Variants in NAT2 observed in about 807,000 individuals in gnomAD.
The protein encoded by NAT2 is arylamine N-acetyltransferase 2.
For missense variants in NAT2, 428 were observed against 339.1 expected (o/e 1.26, Z -2.06); for synonymous variants, 137 against 125.9 (o/e 1.09, Z -0.59).
upstream of NAT2, chr8:18,386,992 C>T (rs941051431): frequency 6.6e-5 from 10 of 152,338 alleles, no homozygotes; most frequent in African/African-American, 2.2e-4. Context: ...CACAAGGACT[C>T]GGAGGGGCTC....
chr8:18,399,519 CAA>C (rs1800750855), intron 1 of NAT2, among the ~76,000 whole-genome samples: 1 of 152,098 alleles, frequency 6.6e-6, no homozygotes, highest in Non-Finnish European at 1.5e-5. Flanking sequence ...ATGAATTAAT[CAA>C]TATATTTTTT....
chr8:18,389,935 G>A (rs1325503444), upstream of NAT2, among the ~76,000 whole-genome samples: 1 of 152,204 alleles, frequency 6.6e-6, no homozygotes, highest in Non-Finnish European at 1.5e-5. Flanking sequence ...ACCAGTGCGG[G>A]AGTATAACAG....
Position 18,400,145 on chromosome 8 carries a change from A to C in NAT2, c.142A>C (p.Met48Leu). 6.2e-7 allele frequency: 1 copy of C among 1,614,008 alleles called. No homozygotes were observed. Among genetic ancestry groups the C allele is most frequent in the South Asian group, 1.1e-5 (1 of 91,074 alleles). The change falls in exon 2 of 2, where the codon ATG (methionine) becomes CTG (leucine). Residue 48 changes from methionine to leucine, a missense_variant. Met to Leu is a conservative substitution (Grantham distance 15). Transcript: ENST00000286479. ...ENLNMHCGQA[M>L]ELGLEAIFDH... The stretch of plus-strand genomic sequence containing the variant: ...CCTTAACATGCATTGTGGGCAAGCC[A>C]TGGAGTTGGGCTTAGAGGCTATTTT...
At position 18,400,050 on chromosome 8, in the gene NAT2, G is replaced by C. The variant is rs928522570; in HGVS notation, c.47G>C (p.Arg16Thr). The C allele has an allele frequency of 1.2e-6, 2 of 1,610,496 alleles. No homozygotes were observed. Among genetic ancestry groups the C allele is most frequent in the African/African-American group, 2.7e-5 (2 of 74,782 alleles). ...YFERIGYKNS[R>T]NKLDLETLTD... ...GAAAGAATTGGCTATAAGAACTCTA[G>C]GAACAAATTGGACTTGGAAACATTA... Residue 16 changes from arginine to threonine, a missense_variant, in exon 2 of 2, where the codon AGG becomes ACG. Physicochemically the swap from Arg to Thr is moderately conservative, Grantham distance 71. Coordinates refer to ENST00000286479, the MANE Select transcript of NAT2 (RefSeq NM_000015.3).
chr8:18,400,484 C>T lies in NAT2; in HGVS notation c.481C>T (p.Leu161=), dbSNP rs1799929. 0.4 allele frequency: 650,299 copies of T among 1,612,718 alleles called. 136,934 individuals are homozygous for T. Among genetic ancestry groups the T allele is most frequent in the Non-Finnish European group, 0.44 (514,873 of 1,179,562 alleles). ...GACAGAAGAGAGAGGAATCTGGTAC[C>T]TGGACCAAATCAGGAGAGAGCAGTA... is the stretch of plus-strand genomic sequence containing the variant. ...CLTEERGIWY[L]DQIRREQYIT... The change falls in exon 2 of 2, where the codon CTG becomes TTG. Residue 161 remains leucine (L), a synonymous_variant. Coordinates refer to ENST00000286479, the MANE Select transcript of NAT2 (RefSeq NM_000015.3).
At chr8:18,394,240 T>C (rs1800643928) in intron 1 of NAT2, among the ~76,000 whole-genome samples, 1 of 152,132 alleles carries the variant, frequency 6.6e-6, no homozygotes, top group South Asian at 2.1e-4. Context: ...GAACAGGCCA[T>C]TTTCCCATCT....
upstream of NAT2, among the ~76,000 whole-genome samples, chr8:18,389,910 A>G (rs1019581537): frequency 6.6e-6 from 1 of 152,216 alleles, no homozygotes; most frequent in African/African-American, 2.4e-5. Flanking sequence ...GATTTAGGAG[A>G]TGATTTAAGG....
upstream of NAT2, among the ~76,000 whole-genome samples, chr8:18,386,723 C>T (rs1800511147): frequency 6.6e-6 from 1 of 152,172 alleles, no homozygotes; most frequent in Admixed American, 6.5e-5. Flanking sequence ...TCCTCCCACC[C>T]ACCCGTACCA....
chr8:18,392,780 G>C (rs540911069), intron 1 of NAT2, among the ~76,000 whole-genome samples: 24 of 152,324 alleles, frequency 1.6e-4, no homozygotes, highest in Admixed American at 5.2e-4. Flanking sequence ...CCACAGTAAA[G>C]AGTGGAGACT....
chr8:18,399,129 C>T (rs188031454), intron 1 of NAT2, among the ~76,000 whole-genome samples: 13 of 152,276 alleles, frequency 8.5e-5, no homozygotes, highest in Admixed American at 7.8e-4. Context: ...CCCTGGCTTC[C>T]TGGATGTTTC....
At chr8:18,395,774 T>C (rs1585136898) in intron 1 of NAT2, among the ~76,000 whole-genome samples, 1 of 152,256 alleles carries the variant, frequency 6.6e-6, no homozygotes, top group East Asian at 1.9e-4. Flanking sequence ...AAAAACAAAT[T>C]ACAATCACCA....
chr8:18,399,510 T>C (rs1436184652), intron 1 of NAT2, among the ~76,000 whole-genome samples: 4 of 152,194 alleles, frequency 2.6e-5, no homozygotes, highest in African/African-American at 9.7e-5. Context: ...AGTGAATGAA[T>C]GAATTAATCA....
Position 18,400,203 on chromosome 8 carries a change from G to A in NAT2, c.200G>A (p.Trp67Ter). The A allele has an allele frequency of 6.2e-7, 1 of 1,612,832 alleles. No individual in the cohort carries two copies. Among genetic ancestry groups the A allele is most frequent in the Non-Finnish European group, 8.5e-7 (1 of 1,179,144 alleles). The change falls in exon 2 of 2, where the codon TGG becomes TAG. Residue 67 changes from tryptophan to a stop codon, truncating the protein, a stop_gained. Transcript: ENST00000286479. LOFTEE classifies it low-confidence loss of function (END_TRUNC). ...DHIVRRNRGG[W>*]CLQVNQLLYW... ...ATTGTAAGAAGAAACCGGGGTGGGT[G>A]GTGTCTCCAGGTCAATCAACTTCTG... is the stretch of plus-strand genomic sequence containing the variant.
At chr8:18,396,584 C>CG (rs1800696153) in intron 1 of NAT2, among the ~76,000 whole-genome samples, 1 of 151,996 alleles carries the variant, frequency 6.6e-6, no homozygotes, top group South Asian at 2.1e-4. Context: ...TTAGTAGAGA[C>CG]GGGGTTTCAC....
upstream of NAT2, among the ~76,000 whole-genome samples, chr8:18,388,832 G>T (rs1800548441): frequency 6.6e-6 from 1 of 152,168 alleles, no homozygotes; most frequent in Admixed American, 6.5e-5. Flanking sequence ...TTACTTGTAT[G>T]GTGAGGAAGT....
intron 1 of NAT2, 133 bp from the exon 2 acceptor site, chr8:18,399,865 A>C: frequency 9.6e-7 from 1 of 1,042,120 alleles, no homozygotes; most frequent in Middle Eastern, 3.4e-4. Context: ...TACTAACAAA[A>C]GAATTACTAT....
At chr8:18,397,446 A>G (rs1266648939) in intron 1 of NAT2, among the ~76,000 whole-genome samples, 1 of 152,144 alleles carries the variant, frequency 6.6e-6, no homozygotes, top group Non-Finnish European at 1.5e-5. Context: ...TTTTTTTCTG[A>G]AGTAAGATGA....
upstream of NAT2, among the ~76,000 whole-genome samples, chr8:18,386,691 C>T (rs73207811): frequency 0.31 from 47,614 of 151,908 alleles, 7,948 homozygotes; most frequent in Middle Eastern, 0.37. Context: ...GAAGAAGGGC[C>T]AGTGATTGTC....
At chr8:18,386,383 C>T (rs1484860113), upstream of NAT2, among the ~76,000 whole-genome samples, 2 of 152,202 alleles carry the variant, frequency 1.3e-5, no homozygotes, top group African/African-American at 4.8e-5. Context: ...CATCCATGAT[C>T]TGGAAAGGTA....
Sources: gnomAD v4.1 joint callset for allele counts (sites outside exome capture counted in the v4.1 genomes callset) on GRCh38, gnomAD v4.1.1 for gene constraint, MANE v1.5 for transcripts, NCBI Gene and HGNC (gene_info 2026-07-23, HGNC 2026-07-21) for gene names.